ASAP1: variants seen among roughly 807,000 people sequenced by gnomAD.
ASAP1 encodes arf-GAP with SH3 domain, ANK repeat and PH domain-containing protein 1.
In ASAP1, 43 loss-of-function variants were observed where a neutral mutation model predicts 145.2. The observed-to-expected ratio is 0.30, with a 90% confidence interval of 0.23 to 0.38. The LOEUF (loss-of-function observed/expected upper bound fraction) is 0.38. Ranked by LOEUF, ASAP1 falls within the 10% of genes least tolerant of loss-of-function variation. ASAP1 has a pLI of 1.00. For missense variants in ASAP1, 1,018 were observed against 1,355.3 expected, an observed-to-expected ratio of 0.75 and a Z score of 3.91; for synonymous variants, 546 against 515.5, an observed-to-expected ratio of 1.06 and a Z score of -0.80.
intron 12 of ASAP1, among the ~76,000 whole-genome samples, chr8:130,153,917 G>A (rs2097652815): frequency 6.6e-6 from 1 of 152,042 alleles, no homozygotes; most frequent in African/African-American, 2.4e-5. Flanking sequence ...AAAGTGGTTG[G>A]GCATGGTGGC....
At position 130,127,985 on chromosome 8, in the gene ASAP1, A is replaced by G; in HGVS notation, c.1323T>C (p.Ile441=). The change falls in exon 16 of 30, where the codon ATT becomes ATC. Residue 441 remains isoleucine (I), a synonymous_variant. Coordinates refer to ENST00000518721, the MANE Select transcript of ASAP1 (RefSeq NM_018482.4). ...ENSLEDLTKA[I]IEDVQRLPGN... is the part of the protein sequence containing the mutation. ...CTGGGAGCCGCTGGACATCCTCAAT[A>G]ATGGCTTTTGTCAGGTCTTCCAGGC... is the stretch of plus-strand genomic sequence containing the variant. 1 of 1,613,928 alleles carries G rather than the reference A, an allele frequency of 6.2e-7. No individual in the cohort carries two copies.
At chr8:130,093,950 A>C (rs2097511602) in intron 24 of ASAP1, among the ~76,000 whole-genome samples, 1 of 152,154 alleles carries the variant, frequency 6.6e-6, no homozygotes, top group Non-Finnish European at 1.5e-5. Context: ...CAGTAAAATT[A>C]TCATCTGCTT....
At chr8:130,392,133 T>C (rs1440852541) in intron 2 of ASAP1, among the ~76,000 whole-genome samples, 1 of 152,166 alleles carries the variant, frequency 6.6e-6, no homozygotes, top group Non-Finnish European at 1.5e-5. Context: ...TCAAAATCAT[T>C]TGTGGAATAG....
At chr8:130,091,077 G>A (rs971792507) in intron 25 of ASAP1, among the ~76,000 whole-genome samples, 4 of 152,194 alleles carry the variant, frequency 2.6e-5, no homozygotes, top group African/African-American at 9.7e-5. Flanking sequence ...TTGTAGATGG[G>A]AATTTGTCAT....
intron 4 of ASAP1, among the ~76,000 whole-genome samples, chr8:130,228,604 G>A (rs1282113822): frequency 2.0e-5 from 3 of 151,696 alleles, no homozygotes; most frequent in Admixed American, 2.0e-4. Flanking sequence ...AGAAGGCTGA[G>A]GTGGGAGGAC....
At chr8:130,419,818 C>T (rs1829641499) in intron 1 of ASAP1, among the ~76,000 whole-genome samples, 1 of 152,188 alleles carries the variant, frequency 6.6e-6, no homozygotes, top group African/African-American at 2.4e-5. Flanking sequence ...CTGGCCAGGG[C>T]TCCTTCGCAC....
At chr8:130,342,149 G>C (rs950738358) in intron 3 of ASAP1, among the ~76,000 whole-genome samples, 2 of 152,120 alleles carry the variant, frequency 1.3e-5, no homozygotes, top group African/African-American at 4.8e-5. Context: ...AGAATGTCCT[G>C]AGACCCCAAG....
intron 3 of ASAP1, among the ~76,000 whole-genome samples, chr8:130,333,440 A>G (rs1026101485): frequency 6.6e-6 from 1 of 152,182 alleles, no homozygotes; most frequent in African/African-American, 2.4e-5. Context: ...TGTCTCTACT[A>G]AAAATATAAA....
At chr8:130,168,316 T>C (rs1016347972) in intron 10 of ASAP1, among the ~76,000 whole-genome samples, 1 of 151,968 alleles carries the variant, frequency 6.6e-6, no homozygotes, top group Non-Finnish European at 1.5e-5. Flanking sequence ...AGAGATAATA[T>C]AAAACATGCA....
chr8:130,099,785 C>T lies in ASAP1; in HGVS notation c.2402-7642G>A, dbSNP rs555997262. ...GCAACCTGACCTCAGGTGATCCACC[C>T]GCCTCGGCCTCCCAAAGTGCTGGGA... On this transcript the variant is annotated intron_variant, in intron 24 of 29. Coordinates refer to ENST00000518721, the MANE Select transcript of ASAP1 (RefSeq NM_018482.4). 7.9e-5 allele frequency among the ~76,000 whole-genome samples: 12 copies of T among 151,142 alleles called. No individual in the cohort carries two copies. In the East Asian group the frequency reaches 1.9e-3, roughly 25 times the overall value.
chr8:130,132,245 T>C (rs2097584295), intron 15 of ASAP1, among the ~76,000 whole-genome samples: 1 of 152,234 alleles, frequency 6.6e-6, no homozygotes, highest in African/African-American at 2.4e-5. Context: ...TAATAAGACA[T>C]GAAGTGCATT....
At chr8:130,077,288 T>C (rs954506566) in intron 26 of ASAP1, among the ~76,000 whole-genome samples, 6 of 152,174 alleles carry the variant, frequency 3.9e-5, no homozygotes, top group African/African-American at 1.4e-4. Context: ...CATACCACAT[T>C]GTCTAAATCA....
intron 11 of ASAP1, among the ~76,000 whole-genome samples, chr8:130,166,266 C>T (rs113955646): frequency 0.015 from 2,337 of 152,266 alleles, 62 homozygotes; most frequent in African/African-American, 0.052. Flanking sequence ...ACCTTGGCCT[C>T]CCAAAATGTT....
At chr8:130,226,120 C>A (rs1817572061) in intron 4 of ASAP1, among the ~76,000 whole-genome samples, 1 of 150,954 alleles carries the variant, frequency 6.6e-6, no homozygotes, top group Admixed American at 6.6e-5. Context: ...TCAGGCAATT[C>A]TCTCGCCTCA....
At chr8:130,414,759 CTTTTTTT>C (rs548202897) in intron 1 of ASAP1, among the ~76,000 whole-genome samples, 5 of 140,404 alleles carry the variant, frequency 3.6e-5, no homozygotes, top group Non-Finnish European at 6.2e-5. Flanking sequence ...TTCTATAACT[CTTTTTTT>C]TTTTTTTTTG....
intron 20 of ASAP1, among the ~76,000 whole-genome samples, chr8:130,117,381 G>A (rs2097557950): frequency 1.3e-5 from 2 of 152,172 alleles, no homozygotes; most frequent in Non-Finnish European, 2.9e-5. Flanking sequence ...TTTGAACACA[G>A]GTAATCTATC....
intron 3 of ASAP1, among the ~76,000 whole-genome samples, chr8:130,262,365 A>T (rs1238921632): frequency 7.7e-6 from 1 of 130,118 alleles, no homozygotes; most frequent in Non-Finnish European, 1.6e-5. Flanking sequence ...ACTGCACTCC[A>T]GCCTGGGCAA....
At chr8:130,218,848 C>CATATATATAT (rs58256601) in intron 4 of ASAP1, among the ~76,000 whole-genome samples, 2 of 149,152 alleles carry the variant, frequency 1.3e-5, no homozygotes, top group Non-Finnish European at 3.0e-5. Flanking sequence ...AGTCTCTTTC[C>CATATATATAT]ATATATATAT....
chr8:130,059,567 C>T (rs531375868), intron 28 of ASAP1, among the ~76,000 whole-genome samples: 214 of 152,186 alleles, frequency 1.4e-3, no homozygotes, highest in Middle Eastern at 3.4e-3. Context: ...GCGATCCACT[C>T]GCCTCTTCCC....
Sources: allele counts gnomAD v4.1 joint callset (sites outside exome capture counted in the v4.1 genomes callset), GRCh38; gene constraint gnomAD v4.1.1; transcripts MANE v1.5; gene names NCBI Gene and HGNC (gene_info 2026-07-23, HGNC 2026-07-21).